The following AP1S3 variants were observed in gnomAD, a reference collection of about 807,000 sequenced individuals.
AP1S3 encodes the protein adaptor related protein complex 1 subunit sigma 3, also known as AP-1 complex subunit sigma-3.
Under a neutral mutation model 20.9 loss-of-function variants are expected in AP1S3, and 10 were observed. The ratio of observed to expected loss-of-function variants is 0.48; its 90% CI spans 0.29 to 0.81. The LOEUF (loss-of-function observed/expected upper bound fraction) is 0.81, where lower values mean the gene tolerates loss of function less well. AP1S3 is among the 30% of genes least tolerant of loss of function. AP1S3 has a pLI of 0.08. For synonymous variants in AP1S3, 41 were observed against 61.5 expected, an observed-to-expected ratio of 0.67 and a Z score of 1.56; for missense variants, 154 against 183.8, an observed-to-expected ratio of 0.84 and a Z score of 0.94.
intron 1 of AP1S3, among the ~76,000 whole-genome samples, chr2:223,827,541 C>G (rs908116684): frequency 6.6e-6 from 1 of 152,008 alleles, no homozygotes. Flanking sequence ...TGCCACCACA[C>G]CCAGCTACAT....
intron 3 of AP1S3, among the ~76,000 whole-genome samples, chr2:223,771,092 T>TG (rs1438226146): frequency 2.0e-5 from 3 of 150,708 alleles, no homozygotes; most frequent in Non-Finnish European, 4.4e-5. Context: ...CCCAGCACTT[T>TG]GGGGGGGCTG....
At chr2:223,798,150 A>T (rs1286603730) in intron 1 of AP1S3, among the ~76,000 whole-genome samples, 3 of 152,128 alleles carry the variant, frequency 2.0e-5, no homozygotes, top group Non-Finnish European at 4.4e-5. Flanking sequence ...TGAGAGGAAA[A>T]TTTACATAAA....
chr2:223,832,835 G>T (rs1692308346), intron 1 of AP1S3, among the ~76,000 whole-genome samples: 1 of 146,400 alleles, frequency 6.8e-6, no homozygotes, highest in African/African-American at 2.5e-5. Flanking sequence ...TAGGAGAAGG[G>T]TGTACTCCTA....
chr2:223,825,158 A>T (rs915864100), intron 1 of AP1S3, among the ~76,000 whole-genome samples: 22 of 151,966 alleles, frequency 1.4e-4, no homozygotes, highest in African/African-American at 5.3e-4. Context: ...AAAAAAATAC[A>T]AAAAATTAGC....
In AP1S3 at chr2:223,756,704, T is replaced by C. The variant is rs766177753; in HGVS notation, c.*2011A>G. On this transcript the variant is annotated 3_prime_UTR_variant, in exon 5 of 5. Coordinates refer to ENST00000396654, the MANE Select transcript of AP1S3 (RefSeq NM_001039569.2). ...TTTGAACAATGGTTATATTGAGGAA[T>C]TGGTGAATTTTTCCCTTTGTTCTCC... is the stretch of plus-strand genomic sequence containing the variant. 2.0e-4 allele frequency: 194 copies of C among 985,306 alleles called. 1 individual carries two copies. Among genetic ancestry groups the C allele is most frequent in the Non-Finnish European group, 2.2e-4 (180 of 829,922 alleles). The allele number at this position is 985,306 out of a possible 1,614,324, so 61.0% of individuals were successfully genotyped here.
chr2:223,803,323 G>A (rs1393118567), intron 1 of AP1S3, among the ~76,000 whole-genome samples: 1 of 152,168 alleles, frequency 6.6e-6, no homozygotes, highest in East Asian at 1.9e-4. Flanking sequence ...GATGAGTCAA[G>A]AGGAGCTAAA....
intron 3 of AP1S3, among the ~76,000 whole-genome samples, 164 bp downstream of exon 3, chr2:223,775,736 GA>G (rs1690767927): frequency 6.6e-6 from 1 of 152,182 alleles, no homozygotes. Flanking sequence ...TAGGTAGGGA[GA>G]AAAATCTTGT....
intron 1 of AP1S3, among the ~76,000 whole-genome samples, chr2:223,812,978 G>C (rs1691769536): frequency 6.6e-6 from 1 of 151,860 alleles, no homozygotes; most frequent in Non-Finnish European, 1.5e-5. Flanking sequence ...GCCCAGGCTG[G>C]AGTGAGGTGG....
intron 1 of AP1S3, among the ~76,000 whole-genome samples, chr2:223,793,091 T>A (rs1691246695): frequency 6.6e-6 from 1 of 152,102 alleles, no homozygotes; most frequent in African/African-American, 2.4e-5. Flanking sequence ...GATGAGGTTG[T>A]GAAGAAAAAG....
chr2:223,837,499 G>C lies in AP1S3; in HGVS notation c.-49C>G, dbSNP rs1692435858. ...CGCCTTGCGAGCAAGGAGCGCTGGA[G>C]AAGCGAGGGCGAGAGGCGAGCGCTG... is the stretch of plus-strand genomic sequence containing the variant. On this transcript the variant is annotated 5_prime_UTR_variant, in exon 1 of 5. Coordinates refer to ENST00000396654, the MANE Select transcript of AP1S3 (RefSeq NM_001039569.2). 2.4e-6 allele frequency: 3 copies of C among 1,259,180 alleles called. No homozygotes were observed. The East Asian group carries it at 9.3e-5, about 39-fold the overall frequency. The allele number at this position is 1,259,180 out of a possible 1,614,324, so 78.0% of individuals were successfully genotyped here. A position where few individuals can be genotyped will look rare whatever the true frequency, so the allele number is the denominator to read the frequency against.
chr2:223,806,561 G>A (rs1291412107), intron 1 of AP1S3, among the ~76,000 whole-genome samples: 1 of 152,082 alleles, frequency 6.6e-6, no homozygotes, highest in African/African-American at 2.4e-5. Context: ...TGGGATTACA[G>A]GCATGAGCCA....
At chr2:223,792,683 T>C (rs1384721556) in intron 1 of AP1S3, among the ~76,000 whole-genome samples, 2 of 152,040 alleles carry the variant, frequency 1.3e-5, no homozygotes, top group Non-Finnish European at 2.9e-5. Flanking sequence ...ATGACAAAAA[T>C]GCCAAAAGCA....
intron 1 of AP1S3, among the ~76,000 whole-genome samples, chr2:223,794,367 A>C (rs1286358462): frequency 6.6e-6 from 1 of 152,120 alleles, no homozygotes; most frequent in Non-Finnish European, 1.5e-5. Context: ...AAAACAATAA[A>C]ATATAAAACA....
chr2:223,824,578 C>G (rs1012315456), intron 1 of AP1S3, among the ~76,000 whole-genome samples: 3 of 152,072 alleles, frequency 2.0e-5, no homozygotes, highest in African/African-American at 7.2e-5. Flanking sequence ...TGCTCTGTCG[C>G]CCAGGCTGAA....
intron 1 of AP1S3, among the ~76,000 whole-genome samples, chr2:223,793,807 T>C (rs748808881): frequency 6.6e-6 from 1 of 150,506 alleles, no homozygotes. Context: ...CCTAATACGT[T>C]TTTTTTTTGT....
chr2:223,780,046 A>AG (rs1690883611), intron 1 of AP1S3, among the ~76,000 whole-genome samples: 1 of 151,812 alleles, frequency 6.6e-6, no homozygotes, highest in African/African-American at 2.4e-5. Flanking sequence ...ACAACCCACT[A>AG]GGTGGCGATA....
rs143638837 is a variant in AP1S3 at position 223,793,170 on chromosome 2, C to G, written c.4-15301G>C. Among the ~76,000 whole-genome samples the G allele has an allele frequency of 2.8e-4, 43 of 152,294 alleles. 2 individuals are homozygous for G. The East Asian group carries it at 8.3e-3, about 29-fold the overall frequency. On this transcript the variant is annotated intron_variant, in intron 1 of 4. Transcript: ENST00000396654. ...ATTGTGGAAGACAGTGTCGCAATCC[C>G]TCAAAGACCTACAGGCAGAAACGCC...
At chr2:223,774,938 CAG>C (rs1690746305) in intron 3 of AP1S3, among the ~76,000 whole-genome samples, 2 of 150,898 alleles carry the variant, frequency 1.3e-5, no homozygotes, top group Admixed American at 1.3e-4. Flanking sequence ...TCAGTACACA[CAG>C]AGTTAGGAAG....
chr2:223,824,807 T>C (rs1032681568), intron 1 of AP1S3, among the ~76,000 whole-genome samples: 5 of 152,196 alleles, frequency 3.3e-5, no homozygotes, highest in East Asian at 1.9e-4. Context: ...AGTGCTGGGA[T>C]TGCAGGCGTA....
Sources: gnomAD v4.1 joint callset for allele counts (sites outside exome capture counted in the v4.1 genomes callset) on GRCh38, gnomAD v4.1.1 for gene constraint, MANE v1.5 for transcripts, NCBI Gene and HGNC (gene_info 2026-07-23, HGNC 2026-07-21) for gene names.